Variants in PRRG2 observed in about 807,000 individuals in gnomAD.
PRRG2 encodes the protein transmembrane gamma-carboxyglutamic acid protein 2.
Under a neutral mutation model 27.1 loss-of-function variants are expected in PRRG2, and 23 were observed. The ratio of observed to expected loss-of-function variants is 0.85; its 90% CI spans 0.61 to 1.20. PRRG2 has a LOEUF of 1.20. Among genes scored for constraint, PRRG2 ranks in the 50% most tolerant of loss-of-function variants. The probability of loss-of-function intolerance (pLI) is 0.00; values close to 1 mark genes in which losing one functional copy is unlikely to be tolerated. For missense variants in PRRG2, 276 were observed against 254.8 expected (o/e 1.08, Z -0.57); for synonymous variants, 104 against 103.4 (o/e 1.01, Z -0.03).
At chr19:49,590,089 G>C (rs949382514) in intron 6 of PRRG2, 37 bp downstream of exon 6, 3 of 1,465,850 alleles carry the variant, frequency 2.0e-6, no homozygotes, top group Non-Finnish European at 2.7e-6. Flanking sequence ...GCGGGGCGCA[G>C]AGGGGTGGGC....
Position 49,590,508 on chromosome 19 carries a change from G to A in PRRG2, c.*119G>A, listed in dbSNP as rs2080712696. 7.0e-7 allele frequency: 1 copy of A among 1,425,376 alleles called. No homozygotes were observed. Among genetic ancestry groups the A allele is most frequent in the Non-Finnish European group, 9.7e-7 (1 of 1,027,346 alleles). 88.3% of individuals were successfully genotyped at this position (1,425,376 alleles called of 1,614,324 possible). A position where few individuals can be genotyped will look rare whatever the true frequency, so the allele number is the denominator to read the frequency against. Reference sequence around the variant, plus strand: ...TTGGAGTGGGGAATGGTGGGAGTAGGGGTCATCCGGCCCGAGGCCTGCCCT... The same window carrying A: ...TTGGAGTGGGGAATGGTGGGAGTAGAGGTCATCCGGCCCGAGGCCTGCCCT... On this transcript the variant is annotated 3_prime_UTR_variant, in exon 7 of 7. Transcript: ENST00000246794.
intron 6 of PRRG2, 121 bp downstream of exon 6, chr19:49,590,173 G>T (rs2080706971): frequency 2.2e-6 from 3 of 1,391,732 alleles, no homozygotes; most frequent in Admixed American, 2.6e-5. Context: ...GGGGCTTGGA[G>T]TGCGGGGGCG....
Position 49,590,616 on chromosome 19 carries a change from C to G in PRRG2, c.*227C>G. 1 of 618,522 alleles carries G rather than the reference C, an allele frequency of 1.6e-6. No individual in the cohort carries two copies. The highest frequency in any genetic ancestry group is 2.8e-6 in the Non-Finnish European group (1 of 356,918). The allele number at this position is 618,522 out of a possible 1,614,324, so 38.3% of individuals were successfully genotyped here. A position where few individuals can be genotyped will look rare whatever the true frequency, so the allele number is the denominator to read the frequency against. On this transcript the variant is annotated 3_prime_UTR_variant, in exon 7 of 7. Coordinates refer to ENST00000246794, the MANE Select transcript of PRRG2 (RefSeq NM_000951.3). ...TGTCCTGGCCCCTCACGGGCCCCCA[C>G]ACTCTCCTGACCGTGAGGGCACTGG... is the stretch of plus-strand genomic sequence containing the variant.
intron 4 of PRRG2, among the ~76,000 whole-genome samples, chr19:49,588,164 A>G (rs1231611707): frequency 6.6e-6 from 1 of 151,970 alleles, no homozygotes; most frequent in Non-Finnish European, 1.5e-5. Context: ...GGGTTTCACC[A>G]TGTTGGCCAG....
At position 49,589,970 on chromosome 19, in the gene PRRG2, C is replaced by T; in HGVS notation, c.508C>T (p.Pro170Ser). 6.5e-7 allele frequency: 1 copy of T among 1,544,652 alleles called. No individual in the cohort carries two copies. Among genetic ancestry groups the T allele is most frequent in the Non-Finnish European group, 8.7e-7 (1 of 1,148,512 alleles). ...ACCGACGCCCCTGCCTCCACCCCCA[C>T]CCCCACCCCCAGGCCTCCCCACCTA... ...GPPTPLPPPP[P>S]PPPGLPTYEQ... Residue 170 changes from proline (P) to serine (S), a missense_variant, in exon 6 of 7, where the codon CCC becomes TCC. Transcript: ENST00000246794.
chr19:49,585,474 C>A (rs957619196), intron 4 of PRRG2, among the ~76,000 whole-genome samples: 1 of 152,170 alleles, frequency 6.6e-6, no homozygotes, highest in Non-Finnish European at 1.5e-5. Context: ...GCTGCACTTG[C>A]GCCTTTTGCT....
intron 4 of PRRG2, among the ~76,000 whole-genome samples, chr19:49,587,705 G>A (rs143487513): frequency 0.064 from 9,696 of 151,366 alleles, 339 homozygotes; most frequent in South Asian, 0.13. Context: ...GGCTGGTCTC[G>A]AACTCCTGAC....
Position 49,590,691 on chromosome 19 carries a change from G to C in PRRG2, c.*302G>C. The C allele has an allele frequency of 2.0e-6, 1 of 493,800 alleles. No individual in the cohort carries two copies. The highest frequency in any genetic ancestry group is 2.4e-5 in the South Asian group (1 of 41,870). The allele number at this position is 493,800 out of a possible 1,614,324, so 30.6% of individuals were successfully genotyped here. On this transcript the variant is annotated 3_prime_UTR_variant, in exon 7 of 7. Coordinates refer to ENST00000246794, the MANE Select transcript of PRRG2 (RefSeq NM_000951.3). ...GACGCGCGGGGAAATTCGGACCCAG[G>C]AGCCCAGCCCCGGCTGTGCCATCTT... is the stretch of plus-strand genomic sequence containing the variant.
Position 49,583,714 on chromosome 19 carries a change from CA to C in PRRG2, c.259del (p.Thr87ArgfsTer28). 6.2e-7 allele frequency: 1 copy of C among 1,613,870 alleles called. No individual in the cohort carries two copies. The highest frequency in any genetic ancestry group is 8.5e-7 in the Non-Finnish European group (1 of 1,179,842). On this transcript the variant is annotated frameshift_variant and splice_region_variant, in exon 3 of 7. Transcript: ENST00000246794. LOFTEE classifies it high-confidence loss of function. ...GGGAGTATTTTGAGGACAACACTCT[CA>C]CGGTGAGGGCCTCGAGACCCTGGAG... ...AREYFEDNTLTERFWESYIYN... is the reference protein window; with the variant it reads ...AREYFEDNTLXERFWESYIYN...
chr19:49,585,780 T>A lies in PRRG2; in HGVS notation c.301+1828T>A, dbSNP rs959818391. On this transcript the variant is annotated intron_variant, in intron 4 of 6. Coordinates refer to ENST00000246794, the MANE Select transcript of PRRG2 (RefSeq NM_000951.3). The stretch of plus-strand genomic sequence containing the variant: ...CCATTGCACTCCAGCCTGGGAGATG[T>A]CTCAAAAACAAACAAATGGCTGGGC... 2.0e-5 allele frequency among the ~76,000 whole-genome samples: 3 copies of A among 148,964 alleles called. No homozygotes were observed. The East Asian group carries it at 6.0e-4, about 30-fold the overall frequency.
chr19:49,580,657 C>G (rs1301800586), upstream of PRRG2: 2 of 152,204 alleles, frequency 1.3e-5, no homozygotes, highest in African/African-American at 4.8e-5. Context: ...TGCGGAAGTG[C>G]CTCGCCTGGC....
At position 49,590,638 on chromosome 19, in the gene PRRG2, C is replaced by G. The variant is rs1225625981; in HGVS notation, c.*249C>G. On this transcript the variant is annotated 3_prime_UTR_variant, in exon 7 of 7. Coordinates refer to ENST00000246794, the MANE Select transcript of PRRG2 (RefSeq NM_000951.3). ...CCACACTCTCCTGACCGTGAGGGCA[C>G]TGGTCAGTTCCGCCCCCGTGGTAGG... 1.8e-6 allele frequency: 1 copy of G among 570,766 alleles called. No individual in the cohort carries two copies. Among genetic ancestry groups the G allele is most frequent in the East Asian group, 3.0e-5 (1 of 33,102 alleles). 35.4% of individuals were successfully genotyped at this position (570,766 alleles called of 1,614,324 possible). A position where few individuals can be genotyped will look rare whatever the true frequency, so the allele number is the denominator to read the frequency against.
rs765702523 is a variant in PRRG2 at position 49,588,483 on chromosome 19, CT to C, written c.302-13del. Reference sequence around the variant, plus strand: ...TCCCCGAGACAGTGTCTCCCCTTCCCTACTTTCCTGCAGGGCGTGGACGAGT... The same window carrying C: ...TCCCCGAGACAGTGTCTCCCCTTCCCACTTTCCTGCAGGGCGTGGACGAGT... On this transcript the variant is annotated splice_polypyrimidine_tract_variant and intron_variant, in intron 4 of 6. Transcript: ENST00000246794. The C allele has an allele frequency of 5.4e-5, 86 of 1,586,032 alleles. No homozygotes were observed. The highest frequency in any genetic ancestry group is 6.8e-5 in the Non-Finnish European group (79 of 1,167,014).
intron 5 of PRRG2, 149 bp from the exon 6 acceptor site, chr19:49,589,751 G>A (rs2080700598): frequency 2.3e-6 from 2 of 861,434 alleles, no homozygotes; most frequent in South Asian, 3.1e-5. Flanking sequence ...AGGCTAGGCT[G>A]AAGGTGACCC....
chr19:49,590,174 T>C, intron 6 of PRRG2, 122 bp downstream of exon 6: 7 of 1,321,890 alleles, frequency 5.3e-6, no homozygotes, highest in Non-Finnish European at 7.2e-6. Flanking sequence ...GGGCTTGGAG[T>C]GCGGGGGCGG....
rs558329136 is a variant in PRRG2 at position 49,583,490 on chromosome 19, C to G, written c.86-52C>G. 30 of 1,597,200 alleles carry G rather than the reference C, an allele frequency of 1.9e-5. No individual in the cohort carries two copies. The Admixed American group carries it at 3.1e-4, about 16-fold the overall frequency. On this transcript the variant is annotated intron_variant, in intron 2 of 6. Transcript: ENST00000246794. ...CCCACTGCTTTCCATCCCCCTATGA[C>G]TCCAGCCCTAGGGACCCTCCATTTT... is the stretch of plus-strand genomic sequence containing the variant.
At position 49,583,591 on chromosome 19, in the gene PRRG2, C is replaced by T; in HGVS notation, c.135C>T (p.Thr45=). 2.5e-6 allele frequency: 4 copies of T among 1,614,202 alleles called. No individual in the cohort carries two copies. In the South Asian group the frequency reaches 4.4e-5, roughly 18 times the overall value. The part of the protein sequence containing the change: ...PEAQSFLSSH[T]RIPRANHWDL... Reference sequence around the variant, plus strand: ...CCCAGAGCTTCCTGAGTAGCCATACCCGGATTCCAAGAGCCAACCACTGGG... The same window carrying T: ...CCCAGAGCTTCCTGAGTAGCCATACTCGGATTCCAAGAGCCAACCACTGGG... Residue 45 remains threonine, a synonymous_variant, in exon 3 of 7, where the codon ACC becomes ACT. Transcript: ENST00000246794.
At position 49,581,379 on chromosome 19, in the gene PRRG2, C is replaced by T. The variant is rs888533062; in HGVS notation, c.-116C>T. ...TTACCGGGAGTGGGGCGCCCCTCCT[C>T]CTTATCCCCTCCCCTCTTCCCTGTC... is the stretch of plus-strand genomic sequence containing the variant. On this transcript the variant is annotated 5_prime_UTR_variant, in exon 1 of 7. Transcript: ENST00000246794. 1.3e-5 allele frequency: 2 copies of T among 152,322 alleles called. No individual in the cohort carries two copies. Among genetic ancestry groups the T allele is most frequent in the Non-Finnish European group, 2.9e-5 (2 of 68,130 alleles). 9.4% of individuals were successfully genotyped at this position (152,322 alleles called of 1,614,324 possible). A position where few individuals can be genotyped will look rare whatever the true frequency, so the allele number is the denominator to read the frequency against.
chr19:49,585,353 T>C (rs762198620), intron 4 of PRRG2, among the ~76,000 whole-genome samples: 1 of 152,154 alleles, frequency 6.6e-6, no homozygotes, highest in Admixed American at 6.5e-5. Flanking sequence ...GAGTCTCACA[T>C]TGGAGCCTGG....
Sources: gnomAD v4.1 joint callset for allele counts (sites outside exome capture counted in the v4.1 genomes callset) on GRCh38, gnomAD v4.1.1 for gene constraint, MANE v1.5 for transcripts, NCBI Gene and HGNC (gene_info 2026-07-23, HGNC 2026-07-21) for gene names.